Variants in STK24 observed in about 807,000 individuals in gnomAD.
The protein encoded by STK24 is serine/threonine kinase 24.
In STK24, 21 loss-of-function variants were observed where a neutral mutation model predicts 55.6. The ratio of observed to expected loss-of-function variants is 0.38; its 90% CI spans 0.27 to 0.54. STK24 has a LOEUF of 0.54. STK24 is among the 20% of genes least tolerant of loss of function. The pLI, the probability that STK24 is intolerant of heterozygous loss-of-function variation, is 0.79. For synonymous variants in STK24, 200 were observed against 215.2 expected, an observed-to-expected ratio of 0.93 and a Z score of 0.62; for missense variants, 383 against 538.4, an observed-to-expected ratio of 0.71 and a Z score of 2.86.
chr13:98,475,020 A>T (rs769387147), intron 4 of STK24, 42 bp from the exon 5 acceptor site: 2 of 1,570,520 alleles, frequency 1.3e-6, no homozygotes, highest in Non-Finnish European at 1.7e-6. Context: ...GTGCGGACTT[A>T]CAACTCCGTG....
At chr13:98,546,724 A>G (rs1289257165) in intron 1 of STK24, among the ~76,000 whole-genome samples, 2 of 152,176 alleles carry the variant, frequency 1.3e-5, no homozygotes, top group Non-Finnish European at 2.9e-5. Context: ...GTTTCCAATG[A>G]GATGTCAAGA....
Position 98,450,351 on chromosome 13 carries a change from A to AACTG in STK24, c.*2818_*2821dup, listed in dbSNP as rs1172429694. 1.6e-4 allele frequency: 25 copies of AACTG among 152,348 alleles called. No homozygotes were observed. The highest frequency in any genetic ancestry group is 3.8e-4 in the African/African-American group (16 of 41,576). 9.4% of individuals were successfully genotyped at this position (152,348 alleles called of 1,614,324 possible). On this transcript the variant is annotated 3_prime_UTR_variant, in exon 11 of 11. Coordinates refer to ENST00000539966, the MANE Select transcript of STK24 (RefSeq NM_001032296.4). ...GAGGGAAATATAAAAAATGTTTATA[A>AACTG]ACTGACAGTGTTTTGCCAGAGGAAA...
chr13:98,462,161 G>A (rs913660425), intron 7 of STK24, among the ~76,000 whole-genome samples: 31 of 152,018 alleles, frequency 2.0e-4, no homozygotes, highest in African/African-American at 6.3e-4. Context: ...TCCTCCTCCC[G>A]GAGAACACCT....
Position 98,462,533 on chromosome 13 carries a change from C to T in STK24, c.930-636G>A, listed in dbSNP as rs747672732. 1.6e-4 allele frequency among the ~76,000 whole-genome samples: 24 copies of T among 152,258 alleles called. No homozygotes were observed. The Middle Eastern group carries it at 0.01, about 65-fold the overall frequency. On this transcript the variant is annotated intron_variant, in intron 7 of 10. Coordinates refer to ENST00000539966, the MANE Select transcript of STK24 (RefSeq NM_001032296.4). ...GCCCCATTAAGCCTGCACCTCCTCC[C>T]GCCCCTCGGCCATACCTCTCCCCTC...
intron 1 of STK24, among the ~76,000 whole-genome samples, chr13:98,567,485 C>T (rs1296557712): frequency 3.9e-5 from 6 of 152,216 alleles, no homozygotes; most frequent in African/African-American, 1.2e-4. Flanking sequence ...TCCCGGACAT[C>T]GTTCTGTGTC....
At chr13:98,569,049 G>A (rs1306889535) in intron 1 of STK24, among the ~76,000 whole-genome samples, 3 of 152,058 alleles carry the variant, frequency 2.0e-5, no homozygotes, top group East Asian at 3.9e-4. Flanking sequence ...TCTGTCACGA[G>A]AAACGAAAAC....
intron 1 of STK24, among the ~76,000 whole-genome samples, chr13:98,548,504 C>T (rs1213950172): frequency 6.6e-6 from 1 of 152,186 alleles, no homozygotes; most frequent in Non-Finnish European, 1.5e-5. Context: ...ACCCTCAAAT[C>T]ACACAGCTGA....
intron 1 of STK24, chr13:98,553,919 A>C (rs1566402320): frequency 6.6e-6 from 1 of 152,094 alleles, no homozygotes. Context: ...AAAATTAGCC[A>C]GGTGTGGTGG....
chr13:98,464,824 T>A (rs530667973), intron 6 of STK24, among the ~76,000 whole-genome samples: 1 of 152,304 alleles, frequency 6.6e-6, no homozygotes, highest in African/African-American at 2.4e-5. Context: ...TATTAACGTT[T>A]GGCCACATCC....
intron 10 of STK24, chr13:98,455,116 C>T (rs1467372761): frequency 2.0e-5 from 3 of 152,178 alleles, no homozygotes; most frequent in Admixed American, 6.5e-5. Context: ...TGTAAAATAC[C>T]TTATTGATGA....
At chr13:98,498,682 G>C (rs1007308877) in intron 2 of STK24, among the ~76,000 whole-genome samples, 1 of 152,200 alleles carries the variant, frequency 6.6e-6, no homozygotes, top group African/African-American at 2.4e-5. Context: ...AGATGGACAT[G>C]AGAGAATGGT....
intron 1 of STK24, among the ~76,000 whole-genome samples, chr13:98,575,132 C>T (rs371430957): frequency 6.6e-6 from 1 of 152,028 alleles, no homozygotes; most frequent in Non-Finnish European, 1.5e-5. Context: ...ACTTTTTTCA[C>T]CCAGTTCACT....
chr13:98,516,548 G>C (rs1231933424), intron 2 of STK24, among the ~76,000 whole-genome samples: 1 of 152,000 alleles, frequency 6.6e-6, no homozygotes, highest in East Asian at 1.9e-4. Flanking sequence ...GGTCAGGTGT[G>C]GGTCATGTGG....
At chr13:98,524,007 G>A (rs1195240946) in intron 1 of STK24, among the ~76,000 whole-genome samples, 2 of 152,106 alleles carry the variant, frequency 1.3e-5, no homozygotes, top group African/African-American at 4.8e-5. Context: ...TTCTTGTTGA[G>A]CTGAGGCTCT....
Position 98,466,281 on chromosome 13 carries a change from G to C in STK24, c.783+95C>G, listed in dbSNP as rs533208266. On this transcript the variant is annotated intron_variant, in intron 6 of 10. Transcript: ENST00000539966. ...AAAAATGAATAATACCAGGAAGACA[G>C]CTGAAAAGAGTGATTAAAGCAATCC... 5.4e-4 allele frequency: 663 copies of C among 1,234,538 alleles called. 3 individuals carry two copies. Among genetic ancestry groups the C allele is most frequent in the Middle Eastern group, 8.9e-4 (3 of 3,388 alleles). The allele number at this position is 1,234,538 out of a possible 1,614,324, so 76.5% of individuals were successfully genotyped here.
rs1183517137 is a variant in STK24 at position 98,450,261 on chromosome 13, C to T, written c.*2912G>A. 6.6e-6 allele frequency: 1 copy of T among 152,086 alleles called. No individual in the cohort carries two copies. Among genetic ancestry groups the T allele is most frequent in the Non-Finnish European group, 1.5e-5 (1 of 68,016 alleles). The allele number at this position is 152,086 out of a possible 1,614,324, so 9.4% of individuals were successfully genotyped here. ...ACAGTCCCTGTGCTTAAGAACATGC[C>T]CTATTAGGTCACTCTGCCTTTGCTG... On this transcript the variant is annotated 3_prime_UTR_variant, in exon 11 of 11. Transcript: ENST00000539966.
At chr13:98,536,677 TA>T (rs1002629152) in intron 1 of STK24, among the ~76,000 whole-genome samples, 1 of 152,084 alleles carries the variant, frequency 6.6e-6, no homozygotes, top group Non-Finnish European at 1.5e-5. Context: ...TCTCCATTTT[TA>T]AAAGCTCATG....
At position 98,456,603 on chromosome 13, in the gene STK24, C is replaced by G. The variant is rs1331454678; in HGVS notation, c.1259+565G>C. On this transcript the variant is annotated intron_variant, in intron 10 of 10. Coordinates refer to ENST00000539966, the MANE Select transcript of STK24 (RefSeq NM_001032296.4). Reference sequence around the variant, plus strand: ...GGGGCAGGGAGGGCAAAACTGTCACCCCACTGAGTCCTCACCCATAGTGCA... The same window carrying G: ...GGGGCAGGGAGGGCAAAACTGTCACGCCACTGAGTCCTCACCCATAGTGCA... The G allele has an allele frequency of 8.4e-6, 4 of 473,772 alleles. No individual in the cohort carries two copies. In the Admixed American group the frequency reaches 9.3e-5, roughly 11 times the overall value. The allele number at this position is 473,772 out of a possible 1,614,324, so 29.3% of individuals were successfully genotyped here.
chr13:98,465,379 G>A (rs374880231), intron 6 of STK24, among the ~76,000 whole-genome samples: 1 of 152,198 alleles, frequency 6.6e-6, no homozygotes, highest in African/African-American at 2.4e-5. Context: ...CTGTGTGCTG[G>A]GGCATAAGCC....
Sources: allele counts gnomAD v4.1 joint callset (sites outside exome capture counted in the v4.1 genomes callset), GRCh38; gene constraint gnomAD v4.1.1; transcripts MANE v1.5; gene names NCBI Gene and HGNC (gene_info 2026-07-23, HGNC 2026-07-21).